GHR: variants seen among roughly 807,000 people sequenced by gnomAD.
The protein encoded by GHR is growth hormone receptor.
In GHR, 35 loss-of-function variants were observed where a neutral mutation model predicts 67.1. The observed-to-expected ratio is 0.52, with a 90% CI of 0.40 to 0.69. The LOEUF (loss-of-function observed/expected upper bound fraction) is 0.69, where lower values mean the gene tolerates loss of function less well. Ranked by LOEUF, GHR falls within the 30% of genes least tolerant of loss-of-function variation. The probability of loss-of-function intolerance (pLI) is 0.00; values close to 1 mark genes in which losing one functional copy is unlikely to be tolerated. For synonymous variants in GHR, 272 were observed against 269.1 expected, an observed-to-expected ratio of 1.01 and a Z score of -0.10; for missense variants, 792 against 764.6, an observed-to-expected ratio of 1.04 and a Z score of -0.42.
At chr5:42,643,658 G>A (rs1028605973) in intron 3 of GHR, among the ~76,000 whole-genome samples, 1 of 151,982 alleles carries the variant, frequency 6.6e-6, no homozygotes, top group East Asian at 1.9e-4. Flanking sequence ...TTTTTGTAGA[G>A]AGAAATTGGC....
At chr5:42,709,728 G>T (rs1758358013) in intron 6 of GHR, among the ~76,000 whole-genome samples, 2 of 152,092 alleles carry the variant, frequency 1.3e-5, no homozygotes, top group African/African-American at 2.4e-5. Flanking sequence ...ATATTATCTG[G>T]CAGAATAGAG....
intron 2 of GHR, among the ~76,000 whole-genome samples, chr5:42,607,058 G>T (rs549289640): frequency 2.6e-5 from 4 of 152,232 alleles, no homozygotes; most frequent in African/African-American, 9.6e-5. Flanking sequence ...CACAAGAGCT[G>T]ATGAAGTTTT....
intron 2 of GHR, among the ~76,000 whole-genome samples, chr5:42,604,347 C>G (rs934347149): frequency 3.3e-5 from 5 of 152,146 alleles, no homozygotes; most frequent in African/African-American, 1.2e-4. Flanking sequence ...AATGGAAAAC[C>G]CAGAAAGGCC....
chr5:42,599,843 G>A (rs1185474669), intron 2 of GHR, among the ~76,000 whole-genome samples: 1 of 152,160 alleles, frequency 6.6e-6, no homozygotes, highest in Admixed American at 6.5e-5. Flanking sequence ...TTAAGTAGCT[G>A]CTGCCCCTTT....
At position 42,641,235 on chromosome 5, in the gene GHR, C is replaced by A. The variant is rs552537509; in HGVS notation, c.136+12132C>A. Among the ~76,000 whole-genome samples, 283 of 152,146 alleles carry A rather than the reference C, an allele frequency of 1.9e-3. 3 individuals carry two copies. The highest frequency in any genetic ancestry group is 6.5e-3 in the African/African-American group (270 of 41,444). ...GTGTCTTTTTCAAAGAGCACCTTCACCCCTTACTGGACTAAACTCAATCCA... is the reference window on the plus strand; with the variant it reads ...GTGTCTTTTTCAAAGAGCACCTTCAACCCTTACTGGACTAAACTCAATCCA... On this transcript the variant is annotated intron_variant, in intron 3 of 9. Transcript: ENST00000230882.
intron 1 of GHR, among the ~76,000 whole-genome samples, chr5:42,472,066 G>T (rs932508459): frequency 1.3e-5 from 2 of 152,174 alleles, no homozygotes; most frequent in African/African-American, 4.8e-5. Flanking sequence ...CATTCACTTA[G>T]GCTGGGATAA....
chr5:42,695,954 CA>C (rs1757652657), intron 5 of GHR, among the ~76,000 whole-genome samples: 1 of 152,056 alleles, frequency 6.6e-6, no homozygotes, highest in African/African-American at 2.4e-5. Flanking sequence ...CAGATAGAAA[CA>C]AATAAAATCT....
intron 1 of GHR, among the ~76,000 whole-genome samples, chr5:42,549,076 G>GATA (rs1748883077): frequency 6.6e-6 from 1 of 152,214 alleles, no homozygotes; most frequent in Non-Finnish European, 1.5e-5. Context: ...TAGTCTGAGA[G>GATA]ATGGTCAGTA....
intron 1 of GHR, among the ~76,000 whole-genome samples, chr5:42,530,101 T>C (rs570155673): frequency 1.2e-3 from 174 of 150,930 alleles, no homozygotes; most frequent in African/African-American, 3.8e-3. Flanking sequence ...TCAAGGTGTA[T>C]GACATGATGA....
At position 42,667,198 on chromosome 5, in the gene GHR, A is replaced by C. The variant is rs371818940; in HGVS notation, c.137-21692A>C. On this transcript the variant is annotated intron_variant, in intron 3 of 9. Transcript: ENST00000230882. ...TATACACAAGTGGAATTTAAGGTCG[A>C]ACCTCCCTGGGAGACCCCAGGAAGA... Among the ~76,000 whole-genome samples the C allele has an allele frequency of 2.0e-4, 30 of 152,290 alleles. No individual in the cohort carries two copies. The East Asian group carries it at 3.5e-3, about 18-fold the overall frequency.
chr5:42,467,554 GT>G, intron 1 of GHR: 1 of 1,510,726 alleles, frequency 6.6e-7, no homozygotes, highest in Non-Finnish European at 9.1e-7. Context: ...ACGCCTAAAG[GT>G]TTTTTCTAAG....
At chr5:42,595,981 C>G (rs370175503) in intron 2 of GHR, among the ~76,000 whole-genome samples, 70 of 152,294 alleles carry the variant, frequency 4.6e-4, no homozygotes, top group African/African-American at 1.6e-3. Context: ...AGGAAGGACT[C>G]TCACTTCAGT....
At position 42,468,063 on chromosome 5, in the gene GHR, G is replaced by A. The variant is rs762637929; in HGVS notation, c.-12+44108G>A. The A allele has an allele frequency of 1.9e-5, 17 of 911,458 alleles. No homozygotes were observed. The South Asian group carries it at 2.7e-4, about 14-fold the overall frequency. The allele number at this position is 911,458 out of a possible 1,614,324, so 56.5% of individuals were successfully genotyped here. A position where few individuals can be genotyped will look rare whatever the true frequency, so the allele number is the denominator to read the frequency against. ...TTCTGGATTCTTCCTAATATGATGC[G>A]GGGGTTTTCAGCTTCCTCACGTATC... On this transcript the variant is annotated intron_variant, in intron 1 of 9. Coordinates refer to ENST00000230882, the MANE Select transcript of GHR (RefSeq NM_000163.5).
At chr5:42,588,526 C>CAAAAAAAAAAAAAT (rs1751606199) in intron 2 of GHR, among the ~76,000 whole-genome samples, 1 of 45,142 alleles carries the variant, frequency 2.2e-5, no homozygotes, top group Non-Finnish European at 4.1e-5. Flanking sequence ...AACTCCATCT[C>CAAAAAAAAAAAAAT]AAAAAAAAAA....
At chr5:42,699,221 T>C (rs1352336874) in intron 5 of GHR, among the ~76,000 whole-genome samples, 5 of 152,128 alleles carry the variant, frequency 3.3e-5, no homozygotes, top group African/African-American at 1.2e-4. Flanking sequence ...AAAAGGATAA[T>C]GGCTAGGACC....
chr5:42,591,567 A>G (rs1259781821), intron 2 of GHR, among the ~76,000 whole-genome samples: 3 of 152,152 alleles, frequency 2.0e-5, no homozygotes, highest in African/African-American at 7.2e-5. Flanking sequence ...TGAGTTATCT[A>G]GGGAATATCA....
chr5:42,580,439 A>G (rs72754930), intron 2 of GHR, among the ~76,000 whole-genome samples: 7,201 of 152,284 alleles, frequency 0.047, 239 homozygotes, highest in Non-Finnish European at 0.069. Flanking sequence ...GGAAAGAGCT[A>G]TGGAAAACTG....
intron 2 of GHR, among the ~76,000 whole-genome samples, chr5:42,572,608 A>C (rs993021295): frequency 3.3e-5 from 5 of 152,218 alleles, no homozygotes; most frequent in African/African-American, 1.2e-4. Context: ...CTTCAGCCTC[A>C]GCTGCAAATC....
At chr5:42,620,588 A>G (rs963225238) in intron 2 of GHR, among the ~76,000 whole-genome samples, 8 of 152,186 alleles carry the variant, frequency 5.3e-5, no homozygotes, top group African/African-American at 1.9e-4. Context: ...CCTAAAGAAG[A>G]CACAGATTGA....
Sources: gnomAD v4.1 joint callset for allele counts (sites outside exome capture counted in the v4.1 genomes callset) on GRCh38, gnomAD v4.1.1 for gene constraint, MANE v1.5 for transcripts, NCBI Gene and HGNC (gene_info 2026-07-23, HGNC 2026-07-21) for gene names.